Variants in APTX observed in about 807,000 individuals in gnomAD.
APTX encodes aprataxin, also known as forkhead-associated domain histidine triad-like protein.
In APTX, 33 loss-of-function variants were observed where a neutral mutation model predicts 42.3. The observed-to-expected ratio is 0.78, with a 90% CI of 0.59 to 1.04. The LOEUF (loss-of-function observed/expected upper bound fraction) is 1.04. Ranked by LOEUF, APTX falls within the 50% of genes least tolerant of loss-of-function variation. The pLI is 0.00. For missense variants in APTX, 421 were observed against 415.1 expected (o/e 1.01, Z -0.12); for synonymous variants, 130 against 146.7 (o/e 0.89, Z 0.82).
chr9:33,013,395 T>C (rs187682248), intron 1 of APTX, among the ~76,000 whole-genome samples: 134 of 152,296 alleles, frequency 8.8e-4, no homozygotes, highest in African/African-American at 2.9e-3. Context: ...GTCCTAGATC[T>C]GACAGTGCCA....
At chr9:33,008,633 C>A (rs1375538666) in intron 1 of APTX, among the ~76,000 whole-genome samples, 2 of 150,878 alleles carry the variant, frequency 1.3e-5, no homozygotes, top group Admixed American at 6.7e-5. Flanking sequence ...CTCACTGCAA[C>A]CTCCACCTCC....
At chr9:32,985,869 T>C (rs1435191609) in intron 5 of APTX, 102 bp downstream of exon 5, 2 of 1,107,616 alleles carry the variant, frequency 1.8e-6, no homozygotes, top group Non-Finnish European at 2.7e-6. Flanking sequence ...TGAATCTCAT[T>C]CAGAAAGACT....
At chr9:33,017,885 T>C (rs935316749) in intron 1 of APTX, among the ~76,000 whole-genome samples, 1 of 151,480 alleles carries the variant, frequency 6.6e-6, no homozygotes, top group African/African-American at 2.4e-5. Flanking sequence ...AGGCTGAAAG[T>C]TCCAATCCTC....
chr9:33,015,287 AAAT>A (rs1178218025), intron 1 of APTX, among the ~76,000 whole-genome samples: 3 of 152,254 alleles, frequency 2.0e-5, no homozygotes, highest in Non-Finnish European at 4.4e-5. Flanking sequence ...GTGGGAACAC[AAAT>A]AATAACGCCT....
chr9:32,999,866 A>G (rs1587589413), intron 1 of APTX, among the ~76,000 whole-genome samples: 1 of 152,158 alleles, frequency 6.6e-6, no homozygotes, highest in East Asian at 1.9e-4. Context: ...GTCCTGAGCC[A>G]GGAGAATGGC....
intron 1 of APTX, among the ~76,000 whole-genome samples, chr9:33,012,908 A>T (rs1837639161): frequency 1.3e-5 from 2 of 152,310 alleles, no homozygotes; most frequent in Middle Eastern, 3.4e-3. Context: ...GTCAAGGCTC[A>T]ACTTCCTAAT....
upstream of APTX, among the ~76,000 whole-genome samples, chr9:33,004,975 G>A (rs575928882): frequency 6.6e-6 from 1 of 152,044 alleles, no homozygotes; most frequent in East Asian, 1.9e-4. Context: ...CCATCCTAAT[G>A]GGTGTGAAAT....
intron 6 of APTX, among the ~76,000 whole-genome samples, chr9:32,977,090 C>T (rs977085896): frequency 3.3e-5 from 5 of 152,080 alleles, no homozygotes; most frequent in African/African-American, 1.2e-4. Flanking sequence ...ATTTCTACTG[C>T]ACATGTTTTA....
chr9:33,019,047 TAAAG>T (rs1217048831), intron 1 of APTX, among the ~76,000 whole-genome samples: 1 of 152,142 alleles, frequency 6.6e-6, no homozygotes, highest in Non-Finnish European at 1.5e-5. Context: ...GAAACCCAAA[TAAAG>T]AACGAACTTT....
rs884546 is a variant in APTX, at chr9:32,987,453, G to A, written c.483+91C>T. Reference sequence around the variant, plus strand: ...TTCATCATGGTTAATAACCCCTCACGCATTTCTGAACTTTAAAGTGTACAA... The same window carrying A: ...TTCATCATGGTTAATAACCCCTCACACATTTCTGAACTTTAAAGTGTACAA... On this transcript the variant is annotated intron_variant, in intron 4 of 7. Transcript: ENST00000379817. 317,729 of 1,511,114 alleles carry A rather than the reference G, an allele frequency of 0.21. 35,649 individuals carry two copies. The highest frequency in any genetic ancestry group is 0.27 in the Middle Eastern group (1,572 of 5,898). 93.6% of individuals were successfully genotyped at this position (1,511,114 alleles called of 1,614,324 possible).
At chr9:32,995,084 G>C (rs954281396) in intron 1 of APTX, among the ~76,000 whole-genome samples, 2 of 152,152 alleles carry the variant, frequency 1.3e-5, no homozygotes, top group South Asian at 4.1e-4. Flanking sequence ...TATTATACAG[G>C]GAGATAAATA....
intron 1 of APTX, chr9:33,019,678 T>G: frequency 2.1e-6 from 1 of 472,990 alleles, no homozygotes; most frequent in East Asian, 3.6e-5. Flanking sequence ...AGGTTAGACC[T>G]CGCCCCATTT....
upstream of APTX, among the ~76,000 whole-genome samples, chr9:33,004,948 C>CT (rs1025766331): frequency 6.6e-6 from 1 of 151,602 alleles, no homozygotes; most frequent in Non-Finnish European, 1.5e-5. Context: ...CCGCTTGTTA[C>CT]TTTTTTTTGA....
chr9:33,007,365 T>A (rs981626609), intron 1 of APTX, among the ~76,000 whole-genome samples: 1 of 152,224 alleles, frequency 6.6e-6, no homozygotes, highest in African/African-American at 2.4e-5. Flanking sequence ...ATATTTGATG[T>A]TCATTTTATG....
chr9:32,977,270 G>A (rs755249306), intron 6 of APTX, among the ~76,000 whole-genome samples: 1 of 152,144 alleles, frequency 6.6e-6, no homozygotes, highest in Non-Finnish European at 1.5e-5. Context: ...TGGATCACTT[G>A]AGGTCAGGAG....
At chr9:32,986,130 T>C (rs747699432) in intron 4 of APTX, 100 bp from the exon 5 acceptor site, 9 of 1,073,888 alleles carry the variant, frequency 8.4e-6, no homozygotes, top group African/African-American at 3.1e-5. Context: ...TACTGTGTGA[T>C]AGCACAACTA....
chr9:32,987,165 G>C (rs1402632232), intron 4 of APTX, among the ~76,000 whole-genome samples: 1 of 152,220 alleles, frequency 6.6e-6, no homozygotes, highest in African/African-American at 2.4e-5. Flanking sequence ...AGAAATGCCA[G>C]AGTATGAGTC....
At chr9:32,979,154 T>C (rs749667212) in intron 6 of APTX, among the ~76,000 whole-genome samples, 1 of 152,168 alleles carries the variant, frequency 6.6e-6, no homozygotes, top group Non-Finnish European at 1.5e-5. Context: ...ATAAGCATAG[T>C]ACCCCATAGG....
At chr9:33,011,744 C>A (rs2119234493) in intron 1 of APTX, among the ~76,000 whole-genome samples, 1 of 152,310 alleles carries the variant, frequency 6.6e-6, no homozygotes, top group East Asian at 1.9e-4. Context: ...CATGTTGAGT[C>A]AACAAGCCAG....
Sources: gnomAD v4.1 joint callset for allele counts (sites outside exome capture counted in the v4.1 genomes callset) on GRCh38, gnomAD v4.1.1 for gene constraint, MANE v1.5 for transcripts, NCBI Gene and HGNC (gene_info 2026-07-23, HGNC 2026-07-21) for gene names.